Variants in NCOA2 observed in about 807,000 individuals in gnomAD.
The protein encoded by NCOA2 is nuclear receptor coactivator 2, also known as class E basic helix-loop-helix protein 75.
A neutral mutation model predicts 145.1 loss-of-function variants in NCOA2; 21 were observed. That is an observed-to-expected ratio of 0.14 (90% CI 0.10 to 0.21). The LOEUF (loss-of-function observed/expected upper bound fraction) is 0.21, where lower values mean the gene tolerates loss of function less well. Ranked by LOEUF, NCOA2 falls within the 10% of genes least tolerant of loss-of-function variation. NCOA2 has a pLI of 1.00. For missense variants in NCOA2, 1,472 were observed against 1,837.6 expected (o/e 0.80, Z 3.64); for synonymous variants, 619 against 637.5 (o/e 0.97, Z 0.44).
At chr8:70,228,059 C>T (rs1035758163) in intron 2 of NCOA2, among the ~76,000 whole-genome samples, 2 of 151,056 alleles carry the variant, frequency 1.3e-5, no homozygotes, top group Non-Finnish European at 2.9e-5. Context: ...TAACACATCC[C>T]TACAGAATGT....
rs1585823495 is a variant in NCOA2, at chr8:70,144,793, T to C, written c.2661A>G (p.Leu887=). Residue 887 remains leucine (L), a synonymous_variant, in exon 13 of 23, where the codon TTA becomes TTG. Coordinates refer to ENST00000452400, the MANE Select transcript of NCOA2 (RefSeq NM_006540.4). ...QLGRLLPNQN[L]PLDITLQSPT... ...GGCTTTGCAATGTGATGTCAAGTGG[T>C]AAATTCTGGTTTGGCAATAACCTGC... 2.5e-6 allele frequency: 4 copies of C among 1,613,998 alleles called. No individual in the cohort carries two copies. Among genetic ancestry groups the C allele is most frequent in the Non-Finnish European group, 3.4e-6 (4 of 1,179,876 alleles).
chr8:70,270,843 T>C (rs1824992194), intron 2 of NCOA2, among the ~76,000 whole-genome samples: 1 of 152,192 alleles, frequency 6.6e-6, no homozygotes, highest in African/African-American at 2.4e-5. Flanking sequence ...TATTGTCTGT[T>C]GAAATAAATA....
intron 1 of NCOA2, among the ~76,000 whole-genome samples, chr8:70,379,603 G>C (rs1812003350): frequency 6.6e-6 from 1 of 151,952 alleles, no homozygotes; most frequent in Admixed American, 6.6e-5. Flanking sequence ...CAGTATCTGG[G>C]AAAAATGAAC....
chr8:70,361,920 A>T (rs1213749378), intron 1 of NCOA2, among the ~76,000 whole-genome samples: 1 of 152,242 alleles, frequency 6.6e-6, no homozygotes, highest in Non-Finnish European at 1.5e-5. Context: ...GGAAAATCCC[A>T]AATATTTTAA....
At chr8:70,353,364 C>G (rs1809410513) in intron 1 of NCOA2, among the ~76,000 whole-genome samples, 1 of 150,542 alleles carries the variant, frequency 6.6e-6, no homozygotes, top group Non-Finnish European at 1.5e-5. Flanking sequence ...ATCTTCCCAC[C>G]TCAGCCTCCC....
intron 1 of NCOA2, among the ~76,000 whole-genome samples, chr8:70,341,287 G>A (rs915670270): frequency 2.6e-5 from 4 of 152,040 alleles, no homozygotes; most frequent in Non-Finnish European, 5.9e-5. Context: ...CAGCTACTTG[G>A]GAGGTGGGAG....
chr8:70,335,122 CAAAAAAAAAAAAAAAAAAA>C (rs59460365), intron 1 of NCOA2, among the ~76,000 whole-genome samples: 437 of 29,510 alleles, frequency 0.015, 14 homozygotes, highest in African/African-American at 0.044. Context: ...GACTCCATCT[CAAAAAAAAAAAAAAAAAAA>C]AAAAAAAAAA....
At chr8:70,324,130 T>C (rs1177264734) in intron 1 of NCOA2, among the ~76,000 whole-genome samples, 2 of 152,206 alleles carry the variant, frequency 1.3e-5, no homozygotes, top group Non-Finnish European at 1.5e-5. Context: ...ATATACTAAG[T>C]AAGCTGGTGA....
At chr8:70,263,234 T>G (rs1040565213) in intron 2 of NCOA2, among the ~76,000 whole-genome samples, 5 of 141,944 alleles carry the variant, frequency 3.5e-5, no homozygotes, top group Non-Finnish European at 7.7e-5. Context: ...GCACATAGAG[T>G]GTGGAGATGA....
At chr8:70,216,539 G>A (rs1330412823) in intron 3 of NCOA2, 121 bp downstream of exon 3, 1 of 778,866 alleles carries the variant, frequency 1.3e-6, no homozygotes, top group Non-Finnish European at 2.3e-6. Flanking sequence ...AGATTTAACT[G>A]TTAAGGAGAA....
At chr8:70,208,883 T>C (rs1460813788) in intron 4 of NCOA2, among the ~76,000 whole-genome samples, 1 of 152,228 alleles carries the variant, frequency 6.6e-6, no homozygotes, top group South Asian at 2.1e-4. Flanking sequence ...AAAATGTTTG[T>C]TTTCATGCCT....
chr8:70,420,327 CA>C, the NCOA2 span, among the ~76,000 whole-genome samples: 2 of 151,942 alleles, frequency 1.3e-5, no homozygotes, highest in African/African-American at 2.4e-5. Context: ...CCTATTTATC[CA>C]AGGCAGAAGT....
intron 4 of NCOA2, among the ~76,000 whole-genome samples, chr8:70,199,914 T>C (rs527633211): frequency 3.7e-4 from 56 of 152,316 alleles, no homozygotes; most frequent in African/African-American, 1.3e-3. Flanking sequence ...TCTGTATCCA[T>C]GGGTTCTGCA....
intron 1 of NCOA2, among the ~76,000 whole-genome samples, chr8:70,398,140 G>C (rs752654243): frequency 2.6e-5 from 4 of 152,146 alleles, no homozygotes; most frequent in Non-Finnish European, 5.9e-5. Context: ...AGTCAGACAA[G>C]AAGGCAAACA....
intron 2 of NCOA2, among the ~76,000 whole-genome samples, chr8:70,260,208 C>CG (rs1823999095): frequency 6.6e-6 from 1 of 152,134 alleles, no homozygotes; most frequent in Non-Finnish European, 1.5e-5. Flanking sequence ...GACAGGGTCT[C>CG]GGTCTGTCGC....
At chr8:70,453,115 A>C in the NCOA2 span, among the ~76,000 whole-genome samples, 1 of 152,234 alleles carries the variant, frequency 6.6e-6, no homozygotes, top group Non-Finnish European at 1.5e-5. Flanking sequence ...GAACCTTCAG[A>C]TAGAGGAGCC....
chr8:70,265,374 A>G (rs1824485372), intron 2 of NCOA2, among the ~76,000 whole-genome samples: 1 of 152,194 alleles, frequency 6.6e-6, no homozygotes, highest in South Asian at 2.1e-4. Context: ...TGAGAAATGA[A>G]TGTCTGTTGT....
chr8:70,332,278 T>C (rs1376273084), intron 1 of NCOA2, among the ~76,000 whole-genome samples: 1 of 152,172 alleles, frequency 6.6e-6, no homozygotes, highest in Non-Finnish European at 1.5e-5. Flanking sequence ...GCAGAGAATA[T>C]CTGTGCCAAG....
In NCOA2 at chr8:70,110,613, A is replaced by T. The variant is rs1806454871; in HGVS notation, c.*3019T>A. 1 of 209,860 alleles carries T rather than the reference A, an allele frequency of 4.8e-6. No homozygotes were observed. The highest frequency in any genetic ancestry group is 5.9e-5 in the Admixed American group (1 of 16,944). 13.0% of individuals were successfully genotyped at this position (209,860 alleles called of 1,614,324 possible). ...TGATTGTGTATCTTTGGGTTCTGCA[A>T]GTGGATCTGTGCCACCCATTTCATG... is the stretch of plus-strand genomic sequence containing the variant. On this transcript the variant is annotated 3_prime_UTR_variant, in exon 23 of 23. Coordinates refer to ENST00000452400, the MANE Select transcript of NCOA2 (RefSeq NM_006540.4).
Sources: gnomAD v4.1 joint callset for allele counts (sites outside exome capture counted in the v4.1 genomes callset) on GRCh38, gnomAD v4.1.1 for gene constraint, MANE v1.5 for transcripts, NCBI Gene and HGNC (gene_info 2026-07-23, HGNC 2026-07-21) for gene names.